A2M: variants seen among roughly 807,000 people sequenced by gnomAD.
The protein encoded by A2M is C3 and PZP-like alpha-2-macroglobulin domain-containing protein 5.
A2M carries 128 observed loss-of-function variants against 183.9 expected under a neutral mutation model. The ratio of observed to expected loss-of-function variants is 0.70; its 90% CI spans 0.60 to 0.81. The LOEUF (loss-of-function observed/expected upper bound fraction) is 0.81, where lower values mean the gene tolerates loss of function less well. Among genes scored for constraint, A2M ranks in the 30% least tolerant of loss-of-function variants. The probability of loss-of-function intolerance (pLI) is 0.00; values close to 1 mark genes in which losing one functional copy is unlikely to be tolerated. For missense variants in A2M, 1,495 were observed against 1,787.6 expected (o/e 0.84, Z 2.95); for synonymous variants, 592 against 670.8 (o/e 0.88, Z 1.81).
intron 35 of A2M, 98 bp from the exon 36 acceptor site, chr12:9,067,937 A>G (rs1565573779): frequency 1.6e-6 from 2 of 1,212,628 alleles, no homozygotes; most frequent in South Asian, 1.3e-5. Context: ...TGCCCAAGGA[A>G]ACCTAATCAG....
chr12:9,084,030 T>C (rs774158996), intron 22 of A2M, among the ~76,000 whole-genome samples: 1 of 152,196 alleles, frequency 6.6e-6, no homozygotes, highest in South Asian at 2.1e-4. Flanking sequence ...AATAATATAT[T>C]CAAAGTACTG....
chr12:9,076,262 G>A (rs1948745492), intron 28 of A2M, among the ~76,000 whole-genome samples: 1 of 152,216 alleles, frequency 6.6e-6, no homozygotes, highest in Non-Finnish European at 1.5e-5. Context: ...GATTTGCTAT[G>A]TGACATGTAC....
intron 11 of A2M, among the ~76,000 whole-genome samples, chr12:9,103,417 AACAC>A (rs757206092): frequency 6.6e-6 from 1 of 151,276 alleles, no homozygotes; most frequent in East Asian, 1.9e-4. Context: ...AGTTATTATA[AACAC>A]ACACACACAC....
chr12:9,068,955 C>T (rs894626060), intron 33 of A2M, 113 bp from the exon 34 acceptor site: 77 of 628,446 alleles, frequency 1.2e-4, no homozygotes, highest in Non-Finnish European at 1.9e-4. Flanking sequence ...CTACAGCACA[C>T]TATAGGGTCC....
Position 9,089,975 on chromosome 12 carries a change from A to C in A2M, c.2645T>G (p.Leu882Arg), listed in dbSNP as rs1184971076. The part of the protein sequence containing the change: ...VSAEALESQE[L>R]CGTEVPSVPE... ...AACTGAAGGCACCTCAGTCCCACAC[A>C]GCTCTTGAGACTCTAGTGCCTCTGC... Residue 882 changes from leucine (L) to arginine (R), a missense_variant, in exon 21 of 36, where the codon CTG (leucine) becomes CGG (arginine). Leu to Arg is a moderately radical substitution (Grantham distance 102). Transcript: ENST00000318602. 2 of 1,609,706 alleles carry C rather than the reference A, an allele frequency of 1.2e-6. No individual in the cohort carries two copies. Among genetic ancestry groups the C allele is most frequent in the Non-Finnish European group, 1.7e-6 (2 of 1,176,386 alleles).
In A2M at chr12:9,072,484, T is replaced by G; in HGVS notation, c.3978A>C (p.Thr1326=). ...VTGEGCVYLQ[T]SLKYNILPEK... ...CTGGGAGAATATTGTATTTCAAGGATGTCTATAGAACATCAAAGACAAAAT... is the reference window on the plus strand; with the variant it reads ...CTGGGAGAATATTGTATTTCAAGGAGGTCTATAGAACATCAAAGACAAAAT... Residue 1326 remains threonine (T), a splice_region_variant and synonymous_variant, in exon 31 of 36, where the codon ACA becomes ACC. Transcript: ENST00000318602. 6.2e-7 allele frequency: 1 copy of G among 1,611,476 alleles called. No homozygotes were observed. The highest frequency in any genetic ancestry group is 8.5e-7 in the Non-Finnish European group (1 of 1,179,212).
chr12:9,102,463 A>C (rs1255848618), intron 11 of A2M, among the ~76,000 whole-genome samples: 1 of 151,912 alleles, frequency 6.6e-6, no homozygotes, highest in Non-Finnish European at 1.5e-5. Context: ...CAATCCACCC[A>C]CCTCAGCCTC....
chr12:9,099,653 A>G, intron 13 of A2M, 130 bp from the exon 14 acceptor site: 1 of 1,155,862 alleles, frequency 8.7e-7, no homozygotes, highest in Non-Finnish European at 1.2e-6. Context: ...AGCTTTAGAA[A>G]AAAACCCTAT....
intron 13 of A2M, among the ~76,000 whole-genome samples, chr12:9,100,451 TTTAC>T (rs1316164153): frequency 1.3e-5 from 2 of 152,022 alleles, no homozygotes; most frequent in Non-Finnish European, 2.9e-5. Flanking sequence ...TATTTATTTA[TTTAC>T]TTTTATAGAG....
At chr12:9,093,260 A>C (rs1423812510) in intron 18 of A2M, among the ~76,000 whole-genome samples, 1 of 152,214 alleles carries the variant, frequency 6.6e-6, no homozygotes, top group East Asian at 1.9e-4. Context: ...GCACACAAAA[A>C]TAGGTAACAA....
intron 20 of A2M, 108 bp downstream of exon 20, chr12:9,090,248 C>T (rs1270822190): frequency 2.1e-5 from 32 of 1,531,574 alleles, no homozygotes; most frequent in African/African-American, 2.7e-5. Context: ...GGAAAAAAAT[C>T]GCAGCATCTA....
Position 9,069,803 on chromosome 12 carries a change from G to C in A2M, c.4205C>G (p.Ser1402Cys), listed in dbSNP as rs1300462625. ...GACTTCTGTCCGGCTCACATGGTTA[G>C]ATCTTTCAAGCTGAAGAAAATTGAA... ...LKPTVKMLERSNHVSRTEVSS... is the reference protein window; with the variant it reads ...LKPTVKMLERCNHVSRTEVSS... Residue 1402 changes from serine (S) to cysteine (C), a missense_variant, in exon 33 of 36, where the codon TCT becomes TGT. Physicochemically the swap from Ser to Cys is moderately radical, Grantham distance 112 (BLOSUM62 -1). Transcript: ENST00000318602. 4.3e-6 allele frequency: 7 copies of C among 1,613,360 alleles called. No homozygotes were observed. The highest frequency in any genetic ancestry group is 2.2e-5 in the East Asian group (1 of 44,840).
chr12:9,081,033 T>G (rs1177419442), intron 22 of A2M, among the ~76,000 whole-genome samples: 1 of 152,136 alleles, frequency 6.6e-6, no homozygotes, highest in Non-Finnish European at 1.5e-5. Flanking sequence ...TATCTTCCCT[T>G]TCTCATAAAA....
At chr12:9,087,162 T>C (rs766781131) in intron 22 of A2M, among the ~76,000 whole-genome samples, 25 of 152,184 alleles carry the variant, frequency 1.6e-4, no homozygotes, top group African/African-American at 6.0e-4. Flanking sequence ...TGTTCATGGA[T>C]TGGAAGAATT....
intron 3 of A2M, 43 bp downstream of exon 3, chr12:9,112,334 T>G: frequency 6.2e-7 from 1 of 1,603,764 alleles, no homozygotes; most frequent in African/African-American, 1.3e-5. Context: ...GGGAAGAAGA[T>G]CTTTCCTTTT....
chr12:9,088,526 AATAG>A (rs1311049818), intron 22 of A2M, among the ~76,000 whole-genome samples: 1 of 152,162 alleles, frequency 6.6e-6, no homozygotes, highest in Non-Finnish European at 1.5e-5. Context: ...GCAACAGATG[AATAG>A]ATAAAGTATT....
At chr12:9,098,390 A>G (rs1949448349) in intron 15 of A2M, 1 of 273,468 alleles carries the variant, frequency 3.7e-6, no homozygotes, top group African/African-American at 2.2e-5. Context: ...GATTCAATAT[A>G]TTGTATTTTG....
At chr12:9,091,617 A>G (rs189181970) in intron 18 of A2M, among the ~76,000 whole-genome samples, 188 bp from the exon 19 acceptor site, 1 of 152,374 alleles carries the variant, frequency 6.6e-6, no homozygotes, top group East Asian at 1.9e-4. Context: ...TTTTAATTGT[A>G]GTATATCAGA....
rs769348787 is a variant in A2M, at chr12:9,113,546, G to C, written c.87-3C>G. The C allele has an allele frequency of 2.5e-6, 4 of 1,613,062 alleles. No homozygotes were observed. In the Admixed American group the frequency reaches 6.7e-5, roughly 27 times the overall value. On this transcript the variant is annotated splice_polypyrimidine_tract_variant and splice_region_variant and intron_variant, in intron 1 of 35. Coordinates refer to ENST00000318602, the MANE Select transcript of A2M (RefSeq NM_000014.6). The stretch of plus-strand genomic sequence containing the variant: ...AGGGGACCAGAACCATATACTGCCT[G>C]GGAATGAGACGGTTCAGTTAGAGGA...
Sources: allele counts gnomAD v4.1 joint callset (sites outside exome capture counted in the v4.1 genomes callset), GRCh38; gene constraint gnomAD v4.1.1; transcripts MANE v1.5; gene names NCBI Gene and HGNC (gene_info 2026-07-23, HGNC 2026-07-21).